Variants in DLGAP2 observed in about 807,000 individuals in gnomAD.
DLGAP2 encodes DLG associated protein 2.
In DLGAP2, 26 loss-of-function variants were observed where a neutral mutation model predicts 100.3. The observed-to-expected ratio is 0.26, with a 90% CI of 0.19 to 0.36. The LOEUF is 0.36. DLGAP2 is among the 10% of genes least tolerant of loss of function. The pLI, the probability that DLGAP2 is intolerant of heterozygous loss-of-function variation, is 1.00. For synonymous variants in DLGAP2, 886 were observed against 630.1 expected (o/e 1.41, Z -6.08); for missense variants, 1,858 against 1,453.2 (o/e 1.28, Z -4.53).
intron 2 of DLGAP2, among the ~76,000 whole-genome samples, chr8:1,095,630 C>T (rs1465044428): frequency 6.6e-6 from 1 of 152,142 alleles, no homozygotes; most frequent in African/African-American, 2.4e-5. Context: ...GGCGCACAGC[C>T]AGGACACACA....
At chr8:1,313,334 G>C (rs1030112248) in intron 3 of DLGAP2, among the ~76,000 whole-genome samples, 1 of 152,160 alleles carries the variant, frequency 6.6e-6, no homozygotes, top group South Asian at 2.1e-4. Context: ...TTGACACTTA[G>C]AATAAAAACA....
intron 12 of DLGAP2, chr8:1,680,810 G>A (rs1396394360): frequency 1.3e-5 from 2 of 152,166 alleles, no homozygotes; most frequent in Non-Finnish European, 2.9e-5. Context: ...AATTATAAAA[G>A]GGATTTATAA....
chr8:1,096,212 C>T (rs897014573), intron 2 of DLGAP2, among the ~76,000 whole-genome samples: 1 of 152,192 alleles, frequency 6.6e-6, no homozygotes, highest in Non-Finnish European at 1.5e-5. Context: ...CAAACCAGGA[C>T]TGTTGATTAT....
At chr8:1,315,525 A>G (rs75860621) in intron 3 of DLGAP2, among the ~76,000 whole-genome samples, 56 of 142,634 alleles carry the variant, frequency 3.9e-4, no homozygotes, top group East Asian at 2.4e-3. Flanking sequence ...TCTCTCCAAC[A>G]GTGGTCTACA....
intron 1 of DLGAP2, among the ~76,000 whole-genome samples, chr8:893,577 G>T (rs115839859): frequency 6.6e-6 from 1 of 152,350 alleles, no homozygotes; most frequent in Admixed American, 6.5e-5. Context: ...CTTCCATCCA[G>T]TGTGGCCCTG....
rs150355971 is a variant in DLGAP2 at position 1,329,189 on chromosome 8, A to G, written c.106+70306A>G. On this transcript the variant is annotated intron_variant, in intron 3 of 14. Coordinates refer to ENST00000637795, the MANE Select transcript of DLGAP2 (RefSeq NM_001346810.2). The stretch of plus-strand genomic sequence containing the variant: ...CTGGAGTTCTCAAGAGATGTGAAGA[A>G]ACCTTTATGGATTAAAAACAATGTC... Among the ~76,000 whole-genome samples, 278 of 152,362 alleles carry G rather than the reference A, an allele frequency of 1.8e-3. 2 individuals carry two copies. Among genetic ancestry groups the G allele is most frequent in the African/African-American group, 6.1e-3 (255 of 41,588 alleles).
chr8:1,695,336 G>T (rs369847801), intron 13 of DLGAP2, among the ~76,000 whole-genome samples: 1 of 136,898 alleles, frequency 7.3e-6, no homozygotes, highest in Non-Finnish European at 1.5e-5. Context: ...AGCCATGCCC[G>T]GCCCTACAGA....
At chr8:1,222,349 A>T (rs1008502607) in intron 2 of DLGAP2, among the ~76,000 whole-genome samples, 4 of 152,186 alleles carry the variant, frequency 2.6e-5, no homozygotes, top group African/African-American at 7.2e-5. Flanking sequence ...TTCAAGGGAT[A>T]AAGGCTCAGC....
intron 2 of DLGAP2, among the ~76,000 whole-genome samples, chr8:930,384 T>C (rs1798927998): frequency 6.6e-6 from 1 of 152,310 alleles, no homozygotes; most frequent in African/African-American, 2.4e-5. Context: ...GACAGTAACA[T>C]GAACGAAGAG....
At chr8:1,167,099 G>C (rs959547404) in intron 2 of DLGAP2, among the ~76,000 whole-genome samples, 2 of 152,004 alleles carry the variant, frequency 1.3e-5, no homozygotes, top group African/African-American at 4.8e-5. Flanking sequence ...TTGTATCACT[G>C]TACTCTAGCC....
In DLGAP2 at chr8:1,287,501, T is replaced by TGTGTGTG. The variant is rs1799959527; in HGVS notation, c.106+28620_106+28621insGTGTGGT. Among the ~76,000 whole-genome samples the TGTGTGTG allele has an allele frequency of 7.8e-3, 410 of 52,814 alleles. 51 individuals carry two copies. Among genetic ancestry groups the TGTGTGTG allele is most frequent in the African/African-American group, 0.023 (338 of 14,408 alleles). The allele number at this position is 52,814 out of a possible 152,430, so 34.6% of individuals were successfully genotyped here. On this transcript the variant is annotated intron_variant, in intron 3 of 14. Coordinates refer to ENST00000637795, the MANE Select transcript of DLGAP2 (RefSeq NM_001346810.2). ...GTGTGTGTGTGTGTGTGTGTGGTTC[T>TGTGTGTG]GTTAGGAGGGGAACTAGTTTTGGTT... is the stretch of plus-strand genomic sequence containing the variant.
In DLGAP2 at chr8:822,671, A is replaced by T. The variant is rs151239001; in HGVS notation, c.18+84846A>T. 2.8e-3 allele frequency among the ~76,000 whole-genome samples: 431 copies of T among 152,318 alleles called. 13 individuals carry two copies. The highest frequency in any genetic ancestry group is 0.026 in the Admixed American group (398 of 15,300). ...ATGGAGCTTTTCAAATAGCAGTCTG[A>T]ACTGTTTTCCAGTGGCTTTCAAAGA... On this transcript the variant is annotated intron_variant, in intron 1 of 14. Transcript: ENST00000637795.
At chr8:1,069,870 G>A (rs146949559) in intron 2 of DLGAP2, among the ~76,000 whole-genome samples, 1 of 152,262 alleles carries the variant, frequency 6.6e-6, no homozygotes, top group African/African-American at 2.4e-5. Context: ...GAAGAGGCCA[G>A]AAGCCAAGCT....
intron 2 of DLGAP2, among the ~76,000 whole-genome samples, chr8:1,227,453 TG>T (rs1798445132): frequency 6.6e-6 from 1 of 151,622 alleles, no homozygotes; most frequent in African/African-American, 2.4e-5. Context: ...ACATGTGAGA[TG>T]AATCTCTTGC....
chr8:1,674,880 C>CA lies in DLGAP2; in HGVS notation c.2203-1652dup, dbSNP rs1212149068. ...CACGAGGCAGCTCCATATGTACAGA[C>CA]ATGGAATTTTAAATGTATTAATTGT... On this transcript the variant is annotated intron_variant, in intron 10 of 14. Transcript: ENST00000637795. 1.2e-4 allele frequency among the ~76,000 whole-genome samples: 19 copies of CA among 152,196 alleles called. 1 individual carries two copies. The highest frequency in any genetic ancestry group is 8.8e-5 in the Non-Finnish European group (6 of 68,038).
chr8:753,654 G>C (rs1317307451), intron 1 of DLGAP2: 1 of 152,236 alleles, frequency 6.6e-6, no homozygotes, highest in Non-Finnish European at 1.5e-5. Context: ...GCAGCCCTAG[G>C]AGCTTCGAGT....
intron 4 of DLGAP2, among the ~76,000 whole-genome samples, chr8:1,523,516 G>A (rs568082497): frequency 4.6e-5 from 7 of 152,306 alleles, no homozygotes; most frequent in Middle Eastern, 3.4e-3. Context: ...CCTTAGACGG[G>A]GGGGAAGGAC....
intron 2 of DLGAP2, among the ~76,000 whole-genome samples, chr8:1,034,048 G>T (rs865847933): frequency 2.3e-5 from 2 of 85,596 alleles, no homozygotes; most frequent in East Asian, 8.2e-4. Context: ...TCCCGACCCC[G>T]CGTGTCACCG....
chr8:1,452,339 CA>C (rs1254521977), intron 3 of DLGAP2, among the ~76,000 whole-genome samples: 11 of 152,240 alleles, frequency 7.2e-5, no homozygotes, highest in Non-Finnish European at 2.9e-5. Context: ...GTGCACAGGA[CA>C]GAGGTGACTG....
Sources: gnomAD v4.1 joint callset for allele counts (sites outside exome capture counted in the v4.1 genomes callset) on GRCh38, gnomAD v4.1.1 for gene constraint, MANE v1.5 for transcripts, NCBI Gene and HGNC (gene_info 2026-07-23, HGNC 2026-07-21) for gene names.